Variants in NELL1 observed in about 807,000 individuals in gnomAD.
NELL1 encodes protein kinase C-binding protein NELL1.
Under a neutral mutation model 107.4 loss-of-function variants are expected in NELL1, and 76 were observed. The ratio of observed to expected loss-of-function variants is 0.71; its 90% confidence interval spans 0.59 to 0.86. The LOEUF (loss-of-function observed/expected upper bound fraction) is 0.86, where lower values mean the gene tolerates loss of function less well. NELL1 is among the 40% of genes least tolerant of loss of function. NELL1 has a pLI of 0.00. For synonymous variants in NELL1, 353 were observed against 341.2 expected, an observed-to-expected ratio of 1.03 and a Z score of -0.38; for missense variants, 1,024 against 1,005.5, an observed-to-expected ratio of 1.02 and a Z score of -0.25.
At chr11:20,918,715 A>C (rs543748749) in intron 6 of NELL1, among the ~76,000 whole-genome samples, 1 of 151,988 alleles carries the variant, frequency 6.6e-6, no homozygotes, top group African/African-American at 2.4e-5. Context: ...TCATGATTCA[A>C]TTATTTCCAA....
intron 2 of NELL1, among the ~76,000 whole-genome samples, chr11:20,779,616 A>G (rs1381366975): frequency 6.6e-6 from 1 of 152,224 alleles, no homozygotes; most frequent in Admixed American, 6.5e-5. Flanking sequence ...AGGCTGCTGC[A>G]AAGTAGGTGA....
chr11:20,883,304 C>T (rs1849444708), intron 4 of NELL1, among the ~76,000 whole-genome samples: 1 of 152,210 alleles, frequency 6.6e-6, no homozygotes, highest in Non-Finnish European at 1.5e-5. Context: ...ATTTCTAAGG[C>T]ACACGGAGCT....
Position 21,319,321 on chromosome 11 carries a change from G to C in NELL1, c.1550-51532G>C, listed in dbSNP as rs1331549314. Among the ~76,000 whole-genome samples, 2 of 151,482 alleles carry C rather than the reference G, an allele frequency of 1.3e-5. 1 individual carries two copies. Among genetic ancestry groups the C allele is most frequent in the South Asian group, 4.2e-4 (2 of 4,784 alleles). ...CTCCCAAGTAGCTGGAATTAGAGGT[G>C]TGCACCACTATGCACGGCTAATTTT... On this transcript the variant is annotated intron_variant, in intron 14 of 19. Transcript: ENST00000357134.
intron 15 of NELL1, among the ~76,000 whole-genome samples, chr11:21,513,461 C>A (rs530204381): frequency 1.6e-3 from 236 of 152,090 alleles, no homozygotes; most frequent in African/African-American, 5.6e-3. Context: ...ACTATAATAA[C>A]TATTATTTGT....
rs185777891 is a variant in NELL1, at chr11:21,241,880, C to T, written c.1549+12426C>T. On this transcript the variant is annotated intron_variant, in intron 14 of 19. Transcript: ENST00000357134. ...TTTAAAACACAGCCATCTTCTGGTTCGACTGAATTCGATGTCTGTTTCTAT... is the reference window on the plus strand; with the variant it reads ...TTTAAAACACAGCCATCTTCTGGTTTGACTGAATTCGATGTCTGTTTCTAT... Among the ~76,000 whole-genome samples the T allele has an allele frequency of 2.4e-3, 363 of 148,246 alleles. 4 individuals are homozygous for T. Among genetic ancestry groups the T allele is most frequent in the Non-Finnish European group, 2.8e-3 (186 of 67,412 alleles).
At chr11:21,048,320 A>G (rs947674489) in intron 12 of NELL1, among the ~76,000 whole-genome samples, 20 of 152,064 alleles carry the variant, frequency 1.3e-4, no homozygotes, top group African/African-American at 4.8e-4. Flanking sequence ...ATCTATGGTC[A>G]TGTTTCCTAG....
intron 14 of NELL1, among the ~76,000 whole-genome samples, chr11:21,351,052 A>G (rs1850800904): frequency 6.6e-6 from 1 of 152,170 alleles, no homozygotes; most frequent in Non-Finnish European, 1.5e-5. Flanking sequence ...GATATCAGTA[A>G]TAAGGAAAAT....
chr11:21,247,739 A>G (rs1858531370), intron 14 of NELL1, among the ~76,000 whole-genome samples: 1 of 152,240 alleles, frequency 6.6e-6, no homozygotes, highest in African/African-American at 2.4e-5. Context: ...GTTTGTCACT[A>G]TCAACTCTTA....
At chr11:21,262,572 T>C (rs1388453347) in intron 14 of NELL1, 7 of 151,966 alleles carry the variant, frequency 4.6e-5, no homozygotes, top group Admixed American at 1.3e-4. Context: ...AAAGGTATTG[T>C]ATTTCTGTTT....
chr11:21,173,972 A>T (rs192361921), intron 13 of NELL1, among the ~76,000 whole-genome samples: 1 of 151,936 alleles, frequency 6.6e-6, no homozygotes, highest in Non-Finnish European at 1.5e-5. Flanking sequence ...CTTTATATGC[A>T]TTAATTTATT....
chr11:20,695,205 G>A, intron 2 of NELL1, among the ~76,000 whole-genome samples: 1 of 152,086 alleles, frequency 6.6e-6, no homozygotes, highest in East Asian at 1.9e-4. Flanking sequence ...ATAGTCTTCA[G>A]GGTTTTCTAG....
chr11:20,693,473 G>C (rs1354969561), intron 2 of NELL1, among the ~76,000 whole-genome samples: 1 of 151,840 alleles, frequency 6.6e-6, no homozygotes, highest in Non-Finnish European at 1.5e-5. Context: ...CTCTTTTAGG[G>C]CAGGCCTGGG....
chr11:20,896,601 T>G (rs1393715767), intron 5 of NELL1, among the ~76,000 whole-genome samples: 1 of 152,142 alleles, frequency 6.6e-6, no homozygotes, highest in Non-Finnish European at 1.5e-5. Context: ...AGTGTAAAAG[T>G]GTTCCCTTTT....
chr11:20,797,046 C>G (rs937146166), intron 3 of NELL1, among the ~76,000 whole-genome samples: 10 of 152,042 alleles, frequency 6.6e-5, no homozygotes, highest in African/African-American at 2.4e-4. Context: ...AAGGAAGAGG[C>G]AAGGTGTGTC....
intron 14 of NELL1, among the ~76,000 whole-genome samples, chr11:21,282,493 A>G (rs891934748): frequency 6.6e-6 from 1 of 151,882 alleles, no homozygotes; most frequent in Admixed American, 6.6e-5. Flanking sequence ...AAAAAAAAAA[A>G]AAAAAGGCTT....
chr11:21,087,796 T>A (rs775245135), intron 12 of NELL1, among the ~76,000 whole-genome samples: 1 of 152,198 alleles, frequency 6.6e-6, no homozygotes, highest in Non-Finnish European at 1.5e-5. Flanking sequence ...GCTGATTGTT[T>A]TTGTAAATCA....
intron 14 of NELL1, among the ~76,000 whole-genome samples, chr11:21,254,001 T>C (rs1219391180): frequency 6.6e-6 from 1 of 152,058 alleles, no homozygotes; most frequent in East Asian, 1.9e-4. Context: ...ATGAGACAGA[T>C]AAACAAAGTC....
chr11:21,293,501 A>G (rs1849314550), intron 14 of NELL1, among the ~76,000 whole-genome samples: 1 of 152,200 alleles, frequency 6.6e-6, no homozygotes, highest in African/African-American at 2.4e-5. Context: ...AACTAGTTCA[A>G]CCATTGTGGA....
At chr11:21,466,882 C>T (rs1405111336) in intron 15 of NELL1, among the ~76,000 whole-genome samples, 1 of 151,798 alleles carries the variant, frequency 6.6e-6, no homozygotes, top group Admixed American at 6.6e-5. Flanking sequence ...ATGTTGAAGA[C>T]TTGTCCCGTA....
Sources: gnomAD v4.1 joint callset for allele counts (sites outside exome capture counted in the v4.1 genomes callset) on GRCh38, gnomAD v4.1.1 for gene constraint, MANE v1.5 for transcripts, NCBI Gene and HGNC (gene_info 2026-07-23, HGNC 2026-07-21) for gene names.